The following TSHZ2 variants were observed in gnomAD, a reference collection of about 807,000 sequenced individuals.
TSHZ2 encodes the protein teashirt zinc finger homeobox 2, also known as teashirt homolog 2.
TSHZ2 carries 21 observed loss-of-function variants against 74.4 expected under a neutral mutation model. The observed-to-expected ratio is 0.28, with a 90% CI of 0.20 to 0.41. The LOEUF (loss-of-function observed/expected upper bound fraction) is 0.41, where lower values mean the gene tolerates loss of function less well. Among genes scored for constraint, TSHZ2 ranks in the 10% least tolerant of loss-of-function variants. The pLI is 1.00. For synonymous variants in TSHZ2, 540 were observed against 515.3 expected (o/e 1.05, Z -0.65); for missense variants, 1,244 against 1,293.5 (o/e 0.96, Z 0.59).
chr20:53,096,466 T>C (rs1986051287), intron 1 of TSHZ2, among the ~76,000 whole-genome samples: 1 of 152,148 alleles, frequency 6.6e-6, no homozygotes, highest in Admixed American at 6.5e-5. Context: ...AGTACAGGTG[T>C]GAGATTTCAG....
At chr20:53,326,653 T>G (rs143857266) in intron 2 of TSHZ2, among the ~76,000 whole-genome samples, 2 of 152,208 alleles carry the variant, frequency 1.3e-5, no homozygotes, top group African/African-American at 4.8e-5. Flanking sequence ...TGATGTGGTA[T>G]AACTGTTTGG....
chr20:53,282,974 G>T (rs1991093629), intron 2 of TSHZ2, among the ~76,000 whole-genome samples: 1 of 152,126 alleles, frequency 6.6e-6, no homozygotes, highest in Non-Finnish European at 1.5e-5. Context: ...GCCTAATAAT[G>T]ATCTGACTTG....
chr20:53,222,556 C>A (rs374797210), intron 1 of TSHZ2, among the ~76,000 whole-genome samples: 1 of 152,206 alleles, frequency 6.6e-6, no homozygotes, highest in Admixed American at 6.5e-5. Flanking sequence ...TGCAAAAATG[C>A]GTTCAGGTTA....
intron 2 of TSHZ2, among the ~76,000 whole-genome samples, chr20:53,481,522 A>C (rs6097443): frequency 0.2 from 30,235 of 151,674 alleles, 3,152 homozygotes; most frequent in East Asian, 0.29. Flanking sequence ...TGCAGTGAAC[A>C]AAGATCATGC....
chr20:53,430,905 G>A (rs556900964), intron 2 of TSHZ2, among the ~76,000 whole-genome samples: 14 of 152,092 alleles, frequency 9.2e-5, no homozygotes, highest in East Asian at 7.8e-4. Flanking sequence ...ACAGGTATGC[G>A]TCTCCACGCC....
intron 1 of TSHZ2, among the ~76,000 whole-genome samples, chr20:53,065,350 T>A (rs1984949120): frequency 6.6e-6 from 1 of 152,200 alleles, no homozygotes; most frequent in Non-Finnish European, 1.5e-5. Context: ...TAGTCATTCA[T>A]CTGTCAAAAG....
At chr20:53,249,873 C>G (rs182302550) in intron 1 of TSHZ2, among the ~76,000 whole-genome samples, 337 of 152,294 alleles carry the variant, frequency 2.2e-3, no homozygotes, top group African/African-American at 7.6e-3. Flanking sequence ...GACCTAATCC[C>G]TTTTACAAAG....
At chr20:53,444,320 T>A (rs1984465440) in intron 2 of TSHZ2, among the ~76,000 whole-genome samples, 1 of 152,146 alleles carries the variant, frequency 6.6e-6, no homozygotes, top group African/African-American at 2.4e-5. Flanking sequence ...CACGGCTCCA[T>A]CTCAACTCCA....
Position 53,160,864 on chromosome 20 carries a change from A to C in TSHZ2, c.41-92635A>C, listed in dbSNP as rs1336681074. On this transcript the variant is annotated intron_variant, in intron 1 of 2. Transcript: ENST00000371497. ...ATAGGCCCATCTTCTTTGAATGTAC[A>C]TCTTCATCTATATATTCCCTACTCT... is the stretch of plus-strand genomic sequence containing the variant. Among the ~76,000 whole-genome samples the C allele has an allele frequency of 4.6e-5, 7 of 151,756 alleles. No individual in the cohort carries two copies. In the East Asian group the frequency reaches 1.3e-3, roughly 29 times the overall value.
intron 2 of TSHZ2, among the ~76,000 whole-genome samples, chr20:53,462,185 C>T (rs368139081): frequency 9.9e-5 from 15 of 152,228 alleles, no homozygotes; most frequent in East Asian, 3.9e-4. Context: ...ACCTGGGAGG[C>T]GGAGGTTGCA....
chr20:53,000,414 T>C (rs959368294), intron 1 of TSHZ2, among the ~76,000 whole-genome samples: 4 of 152,322 alleles, frequency 2.6e-5, no homozygotes, highest in South Asian at 4.1e-4. Flanking sequence ...ATATGAGTGA[T>C]TGTTTTAGGT....
intron 2 of TSHZ2, among the ~76,000 whole-genome samples, chr20:53,413,426 C>T (rs1262444621): frequency 6.6e-6 from 1 of 152,182 alleles, no homozygotes; most frequent in Non-Finnish European, 1.5e-5. Context: ...CAGCACTTTG[C>T]GGGGCCAGCG....
intron 1 of TSHZ2, among the ~76,000 whole-genome samples, chr20:53,102,752 A>T (rs1320181450): frequency 6.6e-6 from 1 of 152,246 alleles, no homozygotes; most frequent in Non-Finnish European, 1.5e-5. Context: ...GAACGGAAGA[A>T]TATGACTTGG....
intron 2 of TSHZ2, among the ~76,000 whole-genome samples, chr20:53,338,453 G>A (rs528300696): frequency 4.3e-4 from 66 of 152,140 alleles, no homozygotes; most frequent in Non-Finnish European, 8.4e-4. Context: ...AGTAATTCAG[G>A]CACTTTATGA....
At chr20:53,054,003 G>A (rs1460684003) in intron 1 of TSHZ2, among the ~76,000 whole-genome samples, 1 of 152,138 alleles carries the variant, frequency 6.6e-6, no homozygotes, top group African/African-American at 2.4e-5. Flanking sequence ...ATTTTATTGA[G>A]TGCCAGATTA....
chr20:53,404,208 T>C (rs2145684685), intron 2 of TSHZ2, among the ~76,000 whole-genome samples: 1 of 152,298 alleles, frequency 6.6e-6, no homozygotes, highest in East Asian at 1.9e-4. Flanking sequence ...CAGAGTAAAA[T>C]TTAAAATGCT....
At chr20:53,398,803 T>C (rs1397745169) in intron 2 of TSHZ2, 1 of 152,174 alleles carries the variant, frequency 6.6e-6, no homozygotes, top group African/African-American at 2.4e-5. Flanking sequence ...CCTGCTCAAA[T>C]TATCAGTTTT....
At chr20:53,440,149 GTT>G (rs1455266362) in intron 2 of TSHZ2, among the ~76,000 whole-genome samples, 1 of 152,050 alleles carries the variant, frequency 6.6e-6, no homozygotes, top group Non-Finnish European at 1.5e-5. Flanking sequence ...ATTTGGAAAT[GTT>G]TTTTCATCTG....
intron 1 of TSHZ2, among the ~76,000 whole-genome samples, chr20:53,080,084 T>C (rs1200538213): frequency 6.6e-6 from 1 of 152,202 alleles, no homozygotes; most frequent in Non-Finnish European, 1.5e-5. Flanking sequence ...AAAGCAATTA[T>C]GTAGAATGAT....
Sources: gnomAD v4.1 joint callset for allele counts (sites outside exome capture counted in the v4.1 genomes callset) on GRCh38, gnomAD v4.1.1 for gene constraint, MANE v1.5 for transcripts, NCBI Gene and HGNC (gene_info 2026-07-23, HGNC 2026-07-21) for gene names.